The following GUCY2F variants were observed in gnomAD, a reference collection of about 807,000 sequenced individuals.
GUCY2F encodes retinal guanylyl cyclase 2.
In GUCY2F, 61 loss-of-function variants were observed where a neutral mutation model predicts 73.1. The observed-to-expected ratio is 0.83, with a 90% confidence interval of 0.68 to 1.03. GUCY2F has a LOEUF of 1.03. GUCY2F is among the 50% of genes least tolerant of loss of function. The pLI, the probability that GUCY2F is intolerant of heterozygous loss-of-function variation, is 0.00. For missense variants in GUCY2F, 912 were observed against 854.3 expected, an observed-to-expected ratio of 1.07 and a Z score of -0.84; for synonymous variants, 331 against 307.8, an observed-to-expected ratio of 1.08 and a Z score of -0.79.
intron 6 of GUCY2F, among the ~76,000 whole-genome samples, chrX:109,446,428 T>C (rs1055591907): frequency 7.2e-5 from 8 of 111,360 alleles, no homozygotes; most frequent in Non-Finnish European, 1.5e-4. Context: ...AAAACAGAGA[T>C]ATAGATCAAT....
chrX:109,415,949 G>A (rs1164900924), intron 8 of GUCY2F, among the ~76,000 whole-genome samples: 1 of 111,637 alleles, frequency 9.0e-6, no homozygotes, highest in Non-Finnish European at 1.9e-5. Context: ...TATAAAATAT[G>A]AATCAAATAT....
chrX:109,391,913 TG>T lies in GUCY2F; in HGVS notation c.2778del (p.Tyr926Ter). On this transcript the variant is annotated frameshift_variant, in exon 14 of 20. Coordinates refer to ENST00000218006, the MANE Select transcript of GUCY2F (RefSeq NM_001522.3). LOFTEE classifies it high-confidence loss of function. The part of the protein sequence containing the change: ...FDAIIGSHDV[Y>X]KVETIGDAYM... ...TATTTTCCTGCTAATTAACCTACCT[TG>T]TAGACATCATGACTGCCAATTATTG... 8.4e-7 allele frequency: 1 copy of T among 1,184,718 alleles called. No homozygotes were observed. Among genetic ancestry groups the T allele is most frequent in the South Asian group, 1.9e-5 (1 of 52,989 alleles).
chrX:109,398,380 A>G, intron 11 of GUCY2F, among the ~76,000 whole-genome samples, 169 bp downstream of exon 11: 1 of 111,888 alleles, frequency 8.9e-6, no homozygotes, highest in East Asian at 2.8e-4. Context: ...TTTCTTCCAG[A>G]TGCCTAAAGC....
chrX:109,455,252 C>A (rs1320536045), intron 3 of GUCY2F, among the ~76,000 whole-genome samples: 2 of 111,997 alleles, frequency 1.8e-5, no homozygotes, highest in African/African-American at 6.5e-5. Context: ...GAAGATGATA[C>A]CCTGTCCTGT....
chrX:109,373,242 A>C (rs1380362872), intron 19 of GUCY2F, among the ~76,000 whole-genome samples: 2 of 112,383 alleles, frequency 1.8e-5, no homozygotes, highest in African/African-American at 6.5e-5. Context: ...ATGTTAATAT[A>C]CAGGTGGTCT....
chrX:109,404,275 T>G (rs781308190), intron 10 of GUCY2F, 53 bp downstream of exon 10: 99 of 886,874 alleles, frequency 1.1e-4, no homozygotes, highest in Non-Finnish European at 1.6e-4. Context: ...ATATTTTCAT[T>G]TGAACTTTGG....
chrX:109,433,885 T>A (rs2147269706), intron 7 of GUCY2F, among the ~76,000 whole-genome samples: 1 of 111,168 alleles, frequency 9.0e-6, no homozygotes, highest in African/African-American at 3.3e-5. Flanking sequence ...AGCCTCAGTT[T>A]CCTCACTGAT....
rs1305481616 is a variant in GUCY2F at position 109,453,764 on chromosome X, G to GGT, written c.1127_1128insAC (p.Ser377ProfsTer18). 1 of 1,202,169 alleles carries GGT rather than the reference G, an allele frequency of 8.3e-7. No homozygotes were observed. Among genetic ancestry groups the GGT allele is most frequent in the African/African-American group, 1.7e-5 (1 of 57,656 alleles). On this transcript the variant is annotated frameshift_variant, in exon 4 of 20. Coordinates refer to ENST00000218006, the MANE Select transcript of GUCY2F (RefSeq NM_001522.3). LOFTEE classifies it high-confidence loss of function. ...TGTTTCTGGAATGCTGAACCAGGCT[G>GGT]GCAGCACCAGCCTGTCCATTTTCTT...
intron 8 of GUCY2F, among the ~76,000 whole-genome samples, chrX:109,423,780 G>A (rs894820602): frequency 6.4e-5 from 7 of 108,678 alleles, no homozygotes; most frequent in Non-Finnish European, 1.3e-4. Flanking sequence ...AGCCGTAGGT[G>A]ACTAAATTAG....
At chrX:109,447,359 A>T (rs1206625841) in intron 6 of GUCY2F, among the ~76,000 whole-genome samples, 1 of 111,019 alleles carries the variant, frequency 9.0e-6, no homozygotes, top group Non-Finnish European at 1.9e-5. Context: ...ACAATAGCAA[A>T]GACTTGGAAC....
chrX:109,414,410 C>CA (rs759359942), intron 8 of GUCY2F, among the ~76,000 whole-genome samples: 29 of 112,180 alleles, frequency 2.6e-4, no homozygotes, highest in Non-Finnish European at 5.1e-4. Flanking sequence ...CACTATCTAA[C>CA]ACCCAGAAGT....
chrX:109,470,549 A>T (rs1471478161), intron 2 of GUCY2F, among the ~76,000 whole-genome samples: 2 of 111,835 alleles, frequency 1.8e-5, no homozygotes, highest in African/African-American at 3.3e-5. Context: ...TATATGCCAC[A>T]TATAGAACAC....
intron 10 of GUCY2F, among the ~76,000 whole-genome samples, chrX:109,400,589 TGGTGAAATAA>T (rs1288505288): frequency 9.0e-6 from 1 of 111,509 alleles, no homozygotes; most frequent in Admixed American, 9.5e-5. Context: ...CTGATCAAAA[TGGTGAAATAA>T]GAAATTCCAG....
rs750788904 is a variant in GUCY2F, at chrX:109,398,676, T to C, written c.2148A>G (p.Glu716=). The C allele has an allele frequency of 1.7e-6, 2 of 1,210,199 alleles. No homozygotes were observed. Among genetic ancestry groups the C allele is most frequent in the South Asian group, 3.5e-5 (2 of 56,756 alleles). Residue 716 remains glutamate, a synonymous_variant, in exon 11 of 20, where the codon GAA becomes GAG. Coordinates refer to ENST00000218006, the MANE Select transcript of GUCY2F (RefSeq NM_001522.3). ...SMEELLWTAP[E]LLRAPRGSRL... is the part of the protein sequence containing the mutation. ...TGCTGCCTCTTGGAGCTCTCAACAG[T>C]TCAGGGGCCGTCCACAGCAGCTCTA...
chrX:109,480,219 C>T (rs1369727790), intron 1 of GUCY2F, among the ~76,000 whole-genome samples: 1 of 111,324 alleles, frequency 9.0e-6, no homozygotes, highest in Non-Finnish European at 1.9e-5. Context: ...CTCTCTCTGC[C>T]CTCTCGTTAA....
intron 1 of GUCY2F, 76 bp from the exon 2 acceptor site, chrX:109,476,097 G>T: frequency 3.3e-6 from 1 of 306,057 alleles, no homozygotes; most frequent in Non-Finnish European, 5.1e-6. Context: ...TGAAAGAATG[G>T]CAAAAAAAAA....
chrX:109,386,513 G>A (rs1341293726), intron 15 of GUCY2F, among the ~76,000 whole-genome samples: 2 of 111,875 alleles, frequency 1.8e-5, no homozygotes, highest in Non-Finnish European at 3.8e-5. Flanking sequence ...GACAAGGTTG[G>A]ATTAAGTGGG....
intron 2 of GUCY2F, among the ~76,000 whole-genome samples, chrX:109,466,034 G>A (rs1317074305): frequency 9.0e-6 from 1 of 111,354 alleles, no homozygotes; most frequent in Non-Finnish European, 1.9e-5. Context: ...AATACATTTT[G>A]ACCAATTGTT....
Position 109,474,005 on chromosome X carries a change from G to C in GUCY2F, c.730+1202C>G, listed in dbSNP as rs186282100. 1.6e-3 allele frequency among the ~76,000 whole-genome samples: 183 copies of C among 111,941 alleles called. 1 individual carries two copies. The highest frequency in any genetic ancestry group is 5.5e-3 in the African/African-American group (170 of 30,880). ...AGCCATACTGATTGCTAAACATCACGGAATCTTGTCAACTGGAGCTGGAGG... is the reference window on the plus strand; with the variant it reads ...AGCCATACTGATTGCTAAACATCACCGAATCTTGTCAACTGGAGCTGGAGG... On this transcript the variant is annotated intron_variant, in intron 2 of 19. Coordinates refer to ENST00000218006, the MANE Select transcript of GUCY2F (RefSeq NM_001522.3).
Sources: allele counts gnomAD v4.1 joint callset (sites outside exome capture counted in the v4.1 genomes callset), GRCh38; gene constraint gnomAD v4.1.1; transcripts MANE v1.5; gene names NCBI Gene and HGNC (gene_info 2026-07-23, HGNC 2026-07-21).